Variants in FGF20 observed in about 807,000 individuals in gnomAD.
FGF20 encodes the protein fibroblast growth factor 20.
FGF20 carries 8 observed loss-of-function variants against 16.7 expected under a neutral mutation model. That is an observed-to-expected ratio of 0.48 (90% CI 0.28 to 0.87). The LOEUF is 0.87. FGF20 is among the 40% of genes least tolerant of loss of function. The probability of loss-of-function intolerance (pLI) is 0.10; values close to 1 mark genes in which losing one functional copy is unlikely to be tolerated. For missense variants in FGF20, 397 were observed against 281.4 expected (o/e 1.41, Z -2.94); for synonymous variants, 161 against 118.6 (o/e 1.36, Z -2.32).
Position 17,001,878 on chromosome 8 carries a change from G to T in FGF20, c.155C>A (p.Pro52Gln), listed in dbSNP as rs770019188. Reference protein sequence around the residue: ...SAAERSARGGPGAAQLAHLHG... With the variant: ...SAAERSARGGQGAAQLAHLHG... ...CAGGTGCGCCAGCTGCGCAGCCCCC[G>T]GCCCGCCGCGCGCGCTCCGCTCCGC... Residue 52 changes from proline to glutamine, a missense_variant, in exon 1 of 3, where the codon CCG becomes CAG. Transcript: ENST00000180166. 170 of 1,435,264 alleles carry T rather than the reference G, an allele frequency of 1.2e-4. No homozygotes were observed. The highest frequency in any genetic ancestry group is 2.3e-4 in the Middle Eastern group (1 of 4,316). The allele number at this position is 1,435,264 out of a possible 1,614,324, so 88.9% of individuals were successfully genotyped here.
chr8:16,995,909 G>A (rs1810031958), intron 1 of FGF20, 151 bp from the exon 2 acceptor site: 2 of 499,700 alleles, frequency 4.0e-6, no homozygotes, highest in East Asian at 6.1e-5. Context: ...ACTGGAAACA[G>A]CTATGCAATT....
In FGF20 at chr8:17,002,178, TGCACTGAAATG is replaced by T. The variant is rs1347639400; in HGVS notation, c.-157_-147del. On this transcript the variant is annotated 5_prime_UTR_variant, in exon 1 of 3. Coordinates refer to ENST00000180166, the MANE Select transcript of FGF20 (RefSeq NM_019851.3). ...CTCTGAGGTCGCTCCGGAGGGACTT[TGCACTGAAATG>T]GCAGGGAAGCTCTCACTGTCTTGGA... The T allele has an allele frequency of 1.4e-6, 1 of 728,830 alleles. No individual in the cohort carries two copies. Among genetic ancestry groups the T allele is most frequent in the African/African-American group, 1.9e-5 (1 of 53,200 alleles). The allele number at this position is 728,830 out of a possible 1,614,324, so 45.1% of individuals were successfully genotyped here.
Position 17,001,875 on chromosome 8 carries a change from C to CT in FGF20, c.157_158insA (p.Gly53GlufsTer59). ...GTGCAGGTGCGCCAGCTGCGCAGCC[C>CT]CCGGCCCGCCGCGCGCGCTCCGCTC... On this transcript the variant is annotated frameshift_variant, in exon 1 of 3. Transcript: ENST00000180166. LOFTEE classifies it high-confidence loss of function. 1 of 1,440,324 alleles carries CT rather than the reference C, an allele frequency of 6.9e-7. No individual in the cohort carries two copies. The highest frequency in any genetic ancestry group is 9.1e-7 in the Non-Finnish European group (1 of 1,101,654). 89.2% of individuals were successfully genotyped at this position (1,440,324 alleles called of 1,614,324 possible).
At chr8:16,999,856 A>T (rs1810143145) in intron 1 of FGF20, among the ~76,000 whole-genome samples, 1 of 152,082 alleles carries the variant, frequency 6.6e-6, no homozygotes, top group Non-Finnish European at 1.5e-5. Flanking sequence ...TCTTAAAAGT[A>T]GAATTTCCAA....
At chr8:17,000,418 T>C (rs896530707) in intron 1 of FGF20, among the ~76,000 whole-genome samples, 1 of 151,998 alleles carries the variant, frequency 6.6e-6, no homozygotes, top group Non-Finnish European at 1.5e-5. Flanking sequence ...TTTTAATGAG[T>C]CCTACAAGTC....
At chr8:16,994,300 A>G (rs1809991114) in intron 2 of FGF20, among the ~76,000 whole-genome samples, 2 of 152,168 alleles carry the variant, frequency 1.3e-5, no homozygotes, top group Admixed American at 6.5e-5. Flanking sequence ...TCCAAATCAT[A>G]TATCTTCTCT....
chr8:17,001,514 G>A (rs941606433), intron 1 of FGF20, among the ~76,000 whole-genome samples: 1 of 152,160 alleles, frequency 6.6e-6, no homozygotes, highest in African/African-American at 2.4e-5. Context: ...AGCATCTGGA[G>A]CTGCTGCCCT....
At chr8:16,997,497 T>C (rs1377125926) in intron 1 of FGF20, among the ~76,000 whole-genome samples, 3 of 152,214 alleles carry the variant, frequency 2.0e-5, no homozygotes, top group African/African-American at 4.8e-5. Context: ...TGGGCTCTAT[T>C]CTATCCAAAG....
intron 1 of FGF20, among the ~76,000 whole-genome samples, chr8:16,997,347 A>G (rs937378035): frequency 6.6e-6 from 1 of 152,168 alleles, no homozygotes; most frequent in African/African-American, 2.4e-5. Context: ...CCTGAGCTCT[A>G]CAAACAGTAT....
intron 2 of FGF20, among the ~76,000 whole-genome samples, chr8:16,995,346 A>G (rs1044285582): frequency 4.6e-5 from 7 of 152,234 alleles, no homozygotes; most frequent in African/African-American, 1.7e-4. Flanking sequence ...GCAAGAAAAA[A>G]ATATTCTCCC....
chr8:16,995,776 T>C lies in FGF20; in HGVS notation c.287-18A>G, dbSNP rs764310958. The stretch of plus-strand genomic sequence containing the variant: ...CAAGATACCTGCATATGTAAACAAT[T>C]CATAAAAACACCATGTTTTGTATTT... On this transcript the variant is annotated intron_variant, in intron 1 of 2. Transcript: ENST00000180166. 2 of 1,377,796 alleles carry C rather than the reference T, an allele frequency of 1.5e-6. No individual in the cohort carries two copies. The highest frequency in any genetic ancestry group is 2.9e-5 in the African/African-American group (2 of 69,308). The allele number at this position is 1,377,796 out of a possible 1,614,324, so 85.3% of individuals were successfully genotyped here. A position where few individuals can be genotyped will look rare whatever the true frequency, so the allele number is the denominator to read the frequency against.
chr8:17,001,871 AG>A lies in FGF20; in HGVS notation c.161del (p.Ala54ValfsTer68). 6.8e-7 allele frequency: 1 copy of A among 1,463,076 alleles called. No individual in the cohort carries two copies. The highest frequency in any genetic ancestry group is 9.0e-7 in the Non-Finnish European group (1 of 1,109,782). The allele number at this position is 1,463,076 out of a possible 1,614,324, so 90.6% of individuals were successfully genotyped here. A position where few individuals can be genotyped will look rare whatever the true frequency, so the allele number is the denominator to read the frequency against. On this transcript the variant is annotated frameshift_variant, in exon 1 of 3. Transcript: ENST00000180166. LOFTEE classifies it high-confidence loss of function. ...TGCCGTGCAGGTGCGCCAGCTGCGC[AG>A]CCCCCGGCCCGCCGCGCGCGCTCCG... ...AERSARGGPG[A>X]AQLAHLHGIL...
At position 16,993,030 on chromosome 8, in the gene FGF20, A is replaced by C. The variant is rs746767850; in HGVS notation, c.*42T>G. 1.3e-6 allele frequency: 2 copies of C among 1,589,726 alleles called. No individual in the cohort carries two copies. The highest frequency in any genetic ancestry group is 1.7e-6 in the Non-Finnish European group (2 of 1,168,630). ...TATGATGGGAACTATGACAAGAAAG[A>C]ATGGTTGTGGTTTGACTCTTCCATA... is the stretch of plus-strand genomic sequence containing the variant. On this transcript the variant is annotated 3_prime_UTR_variant, in exon 3 of 3. Transcript: ENST00000180166.
chr8:16,998,151 C>T lies in FGF20; in HGVS notation c.287-2393G>A, dbSNP rs17550067. On this transcript the variant is annotated intron_variant, in intron 1 of 2. Coordinates refer to ENST00000180166, the MANE Select transcript of FGF20 (RefSeq NM_019851.3). Reference sequence around the variant, plus strand: ...AAAACTCAGAGGTAAACCACCTACACTTTAATTCTTATCTTAATGCTGTCA... The same window carrying T: ...AAAACTCAGAGGTAAACCACCTACATTTTAATTCTTATCTTAATGCTGTCA... 7.8e-3 allele frequency among the ~76,000 whole-genome samples: 1,193 copies of T among 152,280 alleles called. 15 individuals are homozygous for T. The highest frequency in any genetic ancestry group is 0.028 in the African/African-American group (1,151 of 41,566).
In FGF20 at chr8:16,993,081, C is replaced by T; in HGVS notation, c.627G>A (p.Met209Ile). 6.2e-7 allele frequency: 1 copy of T among 1,613,858 alleles called. No individual in the cohort carries two copies. Among genetic ancestry groups the T allele is most frequent in the South Asian group, 1.1e-5 (1 of 91,026 alleles). Reference sequence around the variant, plus strand: ...ATGTCACTATCGCACTTCAAGTGTACATCAGTAGGTCCTTGTACAATTCTG... The same window carrying T: ...ATGTCACTATCGCACTTCAAGTGTATATCAGTAGGTCCTTGTACAATTCTG... ...RVPELYKDLL[M>I]YT The change falls in exon 3 of 3, where the codon ATG becomes ATA. Residue 209 changes from methionine to isoleucine, a missense_variant. Physicochemically the swap from Met to Ile is conservative, Grantham distance 10 (BLOSUM62 1). Coordinates refer to ENST00000180166, the MANE Select transcript of FGF20 (RefSeq NM_019851.3).
chr8:17,001,481 C>G (rs572805705), intron 1 of FGF20, among the ~76,000 whole-genome samples: 3 of 152,188 alleles, frequency 2.0e-5, no homozygotes, highest in Admixed American at 2.0e-4. Flanking sequence ...TGCGAAGCGC[C>G]CACCCTTTCT....
chr8:16,992,806 T>C lies in FGF20; in HGVS notation c.*266A>G, dbSNP rs578238179. 3 of 306,344 alleles carry C rather than the reference T, an allele frequency of 9.8e-6. No individual in the cohort carries two copies. Among genetic ancestry groups the C allele is most frequent in the South Asian group, 6.8e-5 (1 of 14,748 alleles). The allele number at this position is 306,344 out of a possible 1,614,324, so 19.0% of individuals were successfully genotyped here. On this transcript the variant is annotated 3_prime_UTR_variant, in exon 3 of 3. Coordinates refer to ENST00000180166, the MANE Select transcript of FGF20 (RefSeq NM_019851.3). ...GTGAGGGTTCCCATTATCCACAGTT[T>C]AACAGATTTTTGGCTTCAGTCTACT...
intron 1 of FGF20, 100 bp from the exon 2 acceptor site, chr8:16,995,858 A>G (rs896813623): frequency 1.6e-6 from 1 of 607,276 alleles, no homozygotes; most frequent in Non-Finnish European, 2.9e-6. Flanking sequence ...GTCGGCCATT[A>G]TTGCCAAATA....
intron 2 of FGF20, among the ~76,000 whole-genome samples, chr8:16,994,202 C>G (rs1257142108): frequency 6.6e-6 from 1 of 152,192 alleles, no homozygotes; most frequent in African/African-American, 2.4e-5. Flanking sequence ...TCGTTAGAGG[C>G]CAGAGTTCTA....
Sources: gnomAD v4.1 joint callset for allele counts (sites outside exome capture counted in the v4.1 genomes callset) on GRCh38, gnomAD v4.1.1 for gene constraint, MANE v1.5 for transcripts, NCBI Gene and HGNC (gene_info 2026-07-23, HGNC 2026-07-21) for gene names.